The following TRIT1 variants were observed in gnomAD, a reference collection of about 807,000 sequenced individuals.
The protein encoded by TRIT1 is tRNA dimethylallyltransferase.
Under a neutral mutation model 51.2 loss-of-function variants are expected in TRIT1, and 43 were observed. The observed-to-expected ratio is 0.84, with a 90% CI of 0.66 to 1.08. TRIT1 has a LOEUF of 1.08. TRIT1 is among the 50% of genes least tolerant of loss of function. TRIT1 has a pLI of 0.00. For missense variants in TRIT1, 528 were observed against 578.4 expected (o/e 0.91, Z 0.89); for synonymous variants, 184 against 203.9 (o/e 0.90, Z 0.83).
rs753015621 is a variant in TRIT1, at chr1:39,841,782, G to A, written c.1366C>T (p.Pro456Ser). ...HNKEPKEKGS[P>S]GQNDQELKCS... ...TTCAGCTCTTGATCATTCTGCCCTG[G>A]GGATCCCTTCTCTTTAGGTTCTTTG... Residue 456 changes from proline to serine, a missense_variant, in exon 11 of 11, where the codon CCA (proline) becomes TCA (serine). By Grantham distance (74) the Pro-to-Ser change is moderately conservative (BLOSUM62 -1). This residue lies in a region of TRIT1 where 468 missense variants were observed against 522.6 expected (regional missense o/e 0.90). Transcript: ENST00000316891. 3.8e-5 allele frequency: 62 copies of A among 1,613,616 alleles called. No individual in the cohort carries two copies. The highest frequency in any genetic ancestry group is 4.9e-5 in the Non-Finnish European group (58 of 1,179,886).
intron 1 of TRIT1, among the ~76,000 whole-genome samples, chr1:39,859,123 G>A (rs990713696): frequency 1.3e-5 from 2 of 151,806 alleles, no homozygotes; most frequent in Admixed American, 6.6e-5. Context: ...GTGTCGTGGC[G>A]TGTGCCTATA....
At chr1:39,850,408 C>T (rs1642493234) in intron 4 of TRIT1, 147 bp from the exon 5 acceptor site, 1 of 1,093,806 alleles carries the variant, frequency 9.1e-7, no homozygotes, top group Non-Finnish European at 1.3e-6. Flanking sequence ...CATCTGTAGT[C>T]CCAGCTACTC....
At position 39,850,237 on chromosome 1, in the gene TRIT1, T is replaced by C. The variant is rs925843786; in HGVS notation, c.585A>G (p.Thr195=). ...GGAGAAATTCACTATGAGAGATTCC[T>C]GTTTCTTCAAAAACTTGCAAGCTCC... ...VARSLQVFEE[T]GISHSEFLHR... Residue 195 remains threonine (T), a synonymous_variant, in exon 5 of 11, where the codon ACA becomes ACG. Transcript: ENST00000316891. 1.9e-6 allele frequency: 3 copies of C among 1,614,212 alleles called. No homozygotes were observed. The highest frequency in any genetic ancestry group is 2.5e-6 in the Non-Finnish European group (3 of 1,180,032).
At chr1:39,842,992 T>A (rs2124570812) in intron 10 of TRIT1, among the ~76,000 whole-genome samples, 1 of 152,290 alleles carries the variant, frequency 6.6e-6, no homozygotes, top group South Asian at 2.1e-4. Context: ...CACATGTTGC[T>A]TCTCTAAGGC....
At chr1:39,863,757 A>AG (rs1557563237) in intron 1 of TRIT1, among the ~76,000 whole-genome samples, 1 of 151,958 alleles carries the variant, frequency 6.6e-6, no homozygotes, top group Non-Finnish European at 1.5e-5. Flanking sequence ...ACAGAGAAAA[A>AG]AAAAAAGAGA....
chr1:39,843,581 TCA>T (rs1439329766), intron 10 of TRIT1, among the ~76,000 whole-genome samples: 3 of 152,188 alleles, frequency 2.0e-5, no homozygotes, highest in South Asian at 4.1e-4. Context: ...CTTCTTTTTA[TCA>T]CAGTTTTAGC....
At chr1:39,848,513 T>C (rs1336576053) in intron 5 of TRIT1, among the ~76,000 whole-genome samples, 1 of 151,358 alleles carries the variant, frequency 6.6e-6, no homozygotes, top group East Asian at 1.9e-4. Flanking sequence ...GATAAGAACA[T>C]GGAACTTTAA....
At chr1:39,868,398 T>C (rs1365040066) in intron 1 of TRIT1, among the ~76,000 whole-genome samples, 1 of 152,052 alleles carries the variant, frequency 6.6e-6, no homozygotes, top group Non-Finnish European at 1.5e-5. Flanking sequence ...ATCCCTGTAC[T>C]TTGGGAGGCT....
chr1:39,846,862 A>C (rs1642253892), intron 8 of TRIT1, among the ~76,000 whole-genome samples: 1 of 152,156 alleles, frequency 6.6e-6, no homozygotes, highest in South Asian at 2.1e-4. Context: ...AAACACTGTA[A>C]TTAGGAAATC....
chr1:39,862,761 A>G, intron 1 of TRIT1: 5 of 985,230 alleles, frequency 5.1e-6, no homozygotes, highest in Non-Finnish European at 6.0e-6. Flanking sequence ...CACATGTGAG[A>G]TTTGTAGCTG....
chr1:39,869,758 A>C (rs1643777476), intron 1 of TRIT1, among the ~76,000 whole-genome samples: 2 of 131,672 alleles, frequency 1.5e-5, no homozygotes, highest in African/African-American at 3.0e-5. Flanking sequence ...CCCGACCGCC[A>C]CCCCATCTGG....
intron 7 of TRIT1, 70 bp from the exon 8 acceptor site, chr1:39,847,367 C>T (rs889660671): frequency 2.9e-5 from 44 of 1,522,584 alleles, no homozygotes; most frequent in Non-Finnish European, 4.0e-5. Context: ...CAGGCCCTCC[C>T]AGCCCAGCAG....
At chr1:39,880,794 G>T (rs145390725) in intron 1 of TRIT1, among the ~76,000 whole-genome samples, 2 of 144,978 alleles carry the variant, frequency 1.4e-5, no homozygotes, top group Non-Finnish European at 3.0e-5. Context: ...GCAAGACTCC[G>T]TTTCAAAAAA....
At chr1:39,870,632 C>T (rs1411371744) in intron 1 of TRIT1, among the ~76,000 whole-genome samples, 1 of 149,386 alleles carries the variant, frequency 6.7e-6, no homozygotes, top group African/African-American at 2.5e-5. Flanking sequence ...AAAAAAAAGC[C>T]TGACAATACC....
chr1:39,879,281 C>CAAAA (rs1251797303), intron 1 of TRIT1, among the ~76,000 whole-genome samples: 2 of 151,708 alleles, frequency 1.3e-5, no homozygotes, highest in African/African-American at 4.8e-5. Flanking sequence ...AACAAACAAA[C>CAAAA]AAAAAACTCC....
At chr1:39,842,247 C>A (rs1641951805) in intron 10 of TRIT1, among the ~76,000 whole-genome samples, 1 of 152,142 alleles carries the variant, frequency 6.6e-6, no homozygotes, top group Non-Finnish European at 1.5e-5. Context: ...ACAAAATGTC[C>A]AAGGTCACAC....
chr1:39,854,105 T>A, intron 2 of TRIT1, 37 bp from the exon 3 acceptor site: 3 of 1,451,888 alleles, frequency 2.1e-6, no homozygotes. Flanking sequence ...ATCAAGAGAA[T>A]CCTGACTCAC....
At position 39,875,265 on chromosome 1, in the gene TRIT1, A is replaced by C. The variant is rs759339070; in HGVS notation, c.174+8053T>G. ...AACCCTTTGGGAGCCCGAGGTGGGC[A>C]GATCACGAGGTCAGGAGTTCGAGAC... is the stretch of plus-strand genomic sequence containing the variant. On this transcript the variant is annotated intron_variant, in intron 1 of 10. Coordinates refer to ENST00000316891, the MANE Select transcript of TRIT1 (RefSeq NM_017646.6). Among the ~76,000 whole-genome samples, 16 of 152,138 alleles carry C rather than the reference A, an allele frequency of 1.1e-4. No individual in the cohort carries two copies. In the East Asian group the frequency reaches 2.9e-3, roughly 28 times the overall value.
chr1:39,842,039 C>T, intron 10 of TRIT1, 126 bp from the exon 11 acceptor site: 1 of 1,066,768 alleles, frequency 9.4e-7, no homozygotes, highest in Non-Finnish European at 1.3e-6. Flanking sequence ...AAGATCAACA[C>T]ATGTACTAGT....
Sources: allele counts gnomAD v4.1 joint callset (sites outside exome capture counted in the v4.1 genomes callset), GRCh38; gene constraint gnomAD v4.1.1; regional missense constraint gnomAD v4.1.1; transcripts MANE v1.5; gene names NCBI Gene and HGNC (gene_info 2026-07-23, HGNC 2026-07-21).